Variants in FANCL observed in about 807,000 individuals in gnomAD.
The protein encoded by FANCL is FA complementation group L, also known as E3 ubiquitin-protein ligase FANCL.
Under a neutral mutation model 59.4 loss-of-function variants are expected in FANCL, and 69 were observed. The ratio of observed to expected loss-of-function variants is 1.16; its 90% confidence interval spans 0.96 to 1.42. The LOEUF is 1.42. Among genes scored for constraint, FANCL ranks in the 40% most tolerant of loss-of-function variants. FANCL has a pLI of 0.00. For synonymous variants in FANCL, 180 were observed against 147.1 expected (o/e 1.22, Z -1.62); for missense variants, 519 against 447.2 (o/e 1.16, Z -1.45).
chr2:58,234,984 C>T (rs185216610), intron 1 of FANCL, among the ~76,000 whole-genome samples: 2 of 151,916 alleles, frequency 1.3e-5, no homozygotes, highest in Non-Finnish European at 2.9e-5. Context: ...ATAAGGGAAA[C>T]AAATGTGAAA....
intron 6 of FANCL, among the ~76,000 whole-genome samples, 183 bp from the exon 7 acceptor site, chr2:58,198,845 G>A (rs560516342): frequency 7.2e-5 from 11 of 152,014 alleles, no homozygotes; most frequent in East Asian, 1.9e-4. Flanking sequence ...CTGGCTATAC[G>A]GTGAAACCTC....
chr2:58,192,865 C>A (rs746633432), intron 7 of FANCL, among the ~76,000 whole-genome samples: 4 of 151,896 alleles, frequency 2.6e-5, no homozygotes, highest in Admixed American at 2.6e-4. Flanking sequence ...AAAACAAAAA[C>A]AACAACAACA....
intron 4 of FANCL, among the ~76,000 whole-genome samples, chr2:58,226,438 A>T (rs1476772636): frequency 6.6e-6 from 1 of 152,076 alleles, no homozygotes; most frequent in Non-Finnish European, 1.5e-5. Flanking sequence ...TAGATGTTAA[A>T]CTCTCTGCTG....
chr2:58,236,421 G>A (rs1694029005), intron 1 of FANCL, among the ~76,000 whole-genome samples: 1 of 151,152 alleles, frequency 6.6e-6, no homozygotes, highest in Non-Finnish European at 1.5e-5. Context: ...GGCAGACCAT[G>A]ATAGATTTAA....
In FANCL at chr2:58,227,358, T is replaced by C. The variant is rs1273986382; in HGVS notation, c.217-574A>G. ...TTTCTGTATCCCGTGGTTCCTGCCTTGGTGTACTGGAAAAATTGGATCACA... is the reference window on the plus strand; with the variant it reads ...TTTCTGTATCCCGTGGTTCCTGCCTCGGTGTACTGGAAAAATTGGATCACA... On this transcript the variant is annotated intron_variant, in intron 3 of 13. Coordinates refer to ENST00000233741, the MANE Select transcript of FANCL (RefSeq NM_018062.4). 2.6e-5 allele frequency among the ~76,000 whole-genome samples: 4 copies of C among 152,184 alleles called. No individual in the cohort carries two copies. In the East Asian group the frequency reaches 7.7e-4, roughly 29 times the overall value.
chr2:58,184,746 C>T (rs989787882), intron 7 of FANCL, among the ~76,000 whole-genome samples: 6 of 152,016 alleles, frequency 3.9e-5, no homozygotes, highest in African/African-American at 1.4e-4. Flanking sequence ...ATGCAGAAGC[C>T]TCTCAGCTAA....
intron 7 of FANCL, among the ~76,000 whole-genome samples, chr2:58,196,804 T>C (rs1305747247): frequency 6.6e-6 from 1 of 151,874 alleles, no homozygotes; most frequent in Non-Finnish European, 1.5e-5. Context: ...TTTTTCAACC[T>C]TGGAATTGTG....
chr2:58,208,381 G>C (rs969406634), intron 5 of FANCL, among the ~76,000 whole-genome samples: 2 of 152,164 alleles, frequency 1.3e-5, no homozygotes, highest in East Asian at 3.9e-4. Flanking sequence ...TTTATCATTT[G>C]CTATATTTCT....
At chr2:58,232,466 A>T (rs993524889) in intron 1 of FANCL, among the ~76,000 whole-genome samples, 1 of 152,098 alleles carries the variant, frequency 6.6e-6, no homozygotes, top group East Asian at 1.9e-4. Flanking sequence ...TTATGAAAAA[A>T]GAAATTCCTT....
At chr2:58,204,588 A>G (rs1454022985) in intron 5 of FANCL, among the ~76,000 whole-genome samples, 1 of 152,022 alleles carries the variant, frequency 6.6e-6, no homozygotes, top group African/African-American at 2.4e-5. Context: ...TCTTTGATCC[A>G]TTTCTGTAGT....
chr2:58,184,161 A>G (rs1303325095), intron 7 of FANCL, among the ~76,000 whole-genome samples: 1 of 152,082 alleles, frequency 6.6e-6, no homozygotes, highest in Non-Finnish European at 1.5e-5. Context: ...TTGTTTATAA[A>G]GAGATTTTAA....
intron 3 of FANCL, 24 bp from the exon 4 acceptor site, chr2:58,226,808 AT>A: frequency 5.7e-6 from 9 of 1,590,592 alleles, no homozygotes; most frequent in Non-Finnish European, 7.8e-6. Flanking sequence ...TTTCCAATTA[AT>A]TTCATTTGCA....
intron 5 of FANCL, among the ~76,000 whole-genome samples, chr2:58,205,253 G>C (rs1026613040): frequency 1.3e-5 from 2 of 151,968 alleles, no homozygotes; most frequent in African/African-American, 4.8e-5. Flanking sequence ...GCACAATGAA[G>C]TTGTGAAACA....
rs572793883 is a variant in FANCL, at chr2:58,209,684, A to G, written c.375-5458T>C. On this transcript the variant is annotated intron_variant, in intron 5 of 13. Transcript: ENST00000233741. ...AACATGCCTCTTTGAAATCTTTATT[A>G]TTAGGCATTATTAGCTTCCTTTAAA... Among the ~76,000 whole-genome samples the G allele has an allele frequency of 2.0e-5, 3 of 152,282 alleles. No individual in the cohort carries two copies. In the South Asian group the frequency reaches 6.2e-4, roughly 32 times the overall value.
chr2:58,168,227 T>A (rs1479040343), intron 7 of FANCL, among the ~76,000 whole-genome samples: 1 of 151,938 alleles, frequency 6.6e-6, no homozygotes, highest in Non-Finnish European at 1.5e-5. Context: ...GGCAGGTGAT[T>A]TCTGCATTTC....
Position 58,167,623 on chromosome 2 carries a change from T to A in FANCL, c.541-1749A>T, listed in dbSNP as rs187147242. Reference sequence around the variant, plus strand: ...CCTAATTGCATTTTGAACAGAAAAATGTATTCTTAATAAGAAAATAGCCAA... The same window carrying A: ...CCTAATTGCATTTTGAACAGAAAAAAGTATTCTTAATAAGAAAATAGCCAA... On this transcript the variant is annotated intron_variant, in intron 7 of 13. Transcript: ENST00000233741. 7.0e-3 allele frequency among the ~76,000 whole-genome samples: 1,061 copies of A among 152,320 alleles called. 9 individuals carry two copies. Among genetic ancestry groups the A allele is most frequent in the Non-Finnish European group, 0.011 (757 of 68,026 alleles).
intron 7 of FANCL, among the ~76,000 whole-genome samples, chr2:58,179,149 C>T (rs1687666534): frequency 6.6e-6 from 1 of 152,146 alleles, no homozygotes; most frequent in African/African-American, 2.4e-5. Flanking sequence ...TGAAAATGGC[C>T]ATACTGCCCT....
intron 7 of FANCL, among the ~76,000 whole-genome samples, chr2:58,174,043 C>A (rs577233140): frequency 7.4e-4 from 113 of 152,018 alleles, no homozygotes; most frequent in African/African-American, 2.7e-3. Flanking sequence ...ACAAAGAAGG[C>A]CATTACATAA....
intron 7 of FANCL, among the ~76,000 whole-genome samples, chr2:58,174,828 C>G (rs1410974959): frequency 6.6e-6 from 1 of 152,070 alleles, no homozygotes; most frequent in Non-Finnish European, 1.5e-5. Context: ...AAAGACCCTT[C>G]AAAAAATTAA....
Sources: allele counts gnomAD v4.1 joint callset (sites outside exome capture counted in the v4.1 genomes callset), GRCh38; gene constraint gnomAD v4.1.1; transcripts MANE v1.5; gene names NCBI Gene and HGNC (gene_info 2026-07-23, HGNC 2026-07-21).